SCAF4: variants seen among roughly 807,000 people sequenced by gnomAD.
SCAF4 encodes the protein SR-related CTD associated factor 4.
A neutral mutation model predicts 129.8 loss-of-function variants in SCAF4; 25 were observed. The ratio of observed to expected loss-of-function variants is 0.19; its 90% CI spans 0.14 to 0.27. The LOEUF (loss-of-function observed/expected upper bound fraction) is 0.27. Ranked by LOEUF, SCAF4 falls within the 10% of genes least tolerant of loss-of-function variation. The probability of loss-of-function intolerance (pLI) is 1.00; values close to 1 mark genes in which losing one functional copy is unlikely to be tolerated. For synonymous variants in SCAF4, 551 were observed against 497.7 expected (o/e 1.11, Z -1.43); for missense variants, 1,246 against 1,457.1 (o/e 0.86, Z 2.36).
intron 1 of SCAF4, among the ~76,000 whole-genome samples, chr21:31,714,817 A>G (rs988760423): frequency 6.6e-6 from 1 of 152,354 alleles, no homozygotes; most frequent in South Asian, 2.1e-4. Flanking sequence ...TAATGTATGT[A>G]AATCTCTTAG....
intron 7 of SCAF4, among the ~76,000 whole-genome samples, chr21:31,697,274 C>T (rs2050411175): frequency 6.6e-6 from 1 of 152,078 alleles, no homozygotes; most frequent in African/African-American, 2.4e-5. Context: ...AAGAGGTTCG[C>T]TTGCTTCTTT....
At chr21:31,677,276 T>C (rs2049882324) in intron 19 of SCAF4, among the ~76,000 whole-genome samples, 1 of 152,102 alleles carries the variant, frequency 6.6e-6, no homozygotes, top group African/African-American at 2.4e-5. Flanking sequence ...ACCGAGCACA[T>C]AGCCCTTCTT....
intron 1 of SCAF4, among the ~76,000 whole-genome samples, chr21:31,724,947 G>A (rs570866491): frequency 2.0e-5 from 3 of 152,222 alleles, no homozygotes; most frequent in African/African-American, 4.8e-5. Context: ...GATAAACCCC[G>A]CTACAGAAAG....
intron 1 of SCAF4, among the ~76,000 whole-genome samples, chr21:31,723,629 T>TGTGTGTGTGCGCGC (rs1271033175): frequency 1.3e-5 from 2 of 149,000 alleles, no homozygotes; most frequent in African/African-American, 4.9e-5. Context: ...TGTGTGTGTG[T>TGTGTGTGTGCGCGC]GCGCGCGCGC....
chr21:31,701,835 G>A lies in SCAF4; in HGVS notation c.541C>T (p.Pro181Ser), dbSNP rs1404547528. The change falls in exon 6 of 20, where the codon CCC becomes TCC. Residue 181 changes from proline (P) to serine (S), a missense_variant. By Grantham distance (74) the Pro-to-Ser change is moderately conservative. Around this residue, in one of 6 missense-constraint regions of SCAF4, gnomAD observed 143 missense variants for 161.0 expected, o/e 0.89. Coordinates refer to ENST00000286835, the MANE Select transcript of SCAF4 (RefSeq NM_020706.2). ...PNSVPAVPQL[P>S]SSDAFAAVAQ... Reference sequence around the variant, plus strand: ...ACAGCAGCAAAAGCATCAGAGCTGGGCAACTGTGGTACAGCTGGGACGGAG... The same window carrying A: ...ACAGCAGCAAAAGCATCAGAGCTGGACAACTGTGGTACAGCTGGGACGGAG... 6.2e-7 allele frequency: 1 copy of A among 1,614,084 alleles called. No individual in the cohort carries two copies. Among genetic ancestry groups the A allele is most frequent in the African/African-American group, 1.3e-5 (1 of 75,022 alleles).
chr21:31,723,526 GA>G (rs556054324), intron 1 of SCAF4, among the ~76,000 whole-genome samples: 54 of 152,128 alleles, frequency 3.5e-4, no homozygotes, highest in African/African-American at 1.2e-3. Context: ...TCATTATTGT[GA>G]CATATCAGTA....
Position 31,701,130 on chromosome 21 carries a change from T to C in SCAF4, c.642A>G (p.Pro214=). The part of the protein sequence containing the change: ...ILQTFQQPPK[P]QSPALDNAVM... ...CAGCATTGTCAAGGGCAGGAGACTGTGGTTTTGGAGGCTGTTGAAAAGTCT... is the reference window on the plus strand; with the variant it reads ...CAGCATTGTCAAGGGCAGGAGACTGCGGTTTTGGAGGCTGTTGAAAAGTCT... The change falls in exon 7 of 20, where the codon CCA becomes CCG. Residue 214 remains proline (P), a synonymous_variant. Coordinates refer to ENST00000286835, the MANE Select transcript of SCAF4 (RefSeq NM_020706.2). The C allele has an allele frequency of 6.2e-7, 1 of 1,607,710 alleles. No individual in the cohort carries two copies. Among genetic ancestry groups the C allele is most frequent in the Non-Finnish European group, 8.5e-7 (1 of 1,176,710 alleles).
intron 1 of SCAF4, among the ~76,000 whole-genome samples, chr21:31,721,959 A>G (rs1255875580): frequency 1.3e-5 from 2 of 152,044 alleles, no homozygotes; most frequent in East Asian, 3.9e-4. Context: ...ACCTCAGATG[A>G]TCCACCCACT....
chr21:31,699,230 T>C (rs2050459993), intron 7 of SCAF4, among the ~76,000 whole-genome samples: 2 of 152,186 alleles, frequency 1.3e-5, no homozygotes, highest in Admixed American at 1.3e-4. Context: ...AAAAACATAA[T>C]GGTTTAACTA....
chr21:31,700,542 C>A (rs1309975105), intron 7 of SCAF4, among the ~76,000 whole-genome samples: 1 of 152,010 alleles, frequency 6.6e-6, no homozygotes, highest in Non-Finnish European at 1.5e-5. Flanking sequence ...TCTAAATCCA[C>A]TATTAACCTT....
At chr21:31,681,286 C>T (rs1029785433) in intron 19 of SCAF4, among the ~76,000 whole-genome samples, 6 of 152,176 alleles carry the variant, frequency 3.9e-5, no homozygotes, top group Admixed American at 2.6e-4. Flanking sequence ...GGAATGAGTT[C>T]GACCTAGAAC....
intron 19 of SCAF4, among the ~76,000 whole-genome samples, chr21:31,683,609 T>C (rs940693629): frequency 4.6e-5 from 7 of 152,058 alleles, no homozygotes; most frequent in African/African-American, 1.5e-4. Flanking sequence ...CTAACATCCA[T>C]GGACCTTAGA....
At chr21:31,723,892 TC>T (rs1391005353) in intron 1 of SCAF4, among the ~76,000 whole-genome samples, 2 of 152,118 alleles carry the variant, frequency 1.3e-5, no homozygotes, top group African/African-American at 2.4e-5. Flanking sequence ...TGGATGGCCA[TC>T]CACCTTTCAC....
At chr21:31,709,531 C>A (rs2050750057) in intron 1 of SCAF4, among the ~76,000 whole-genome samples, 1 of 152,012 alleles carries the variant, frequency 6.6e-6, no homozygotes, top group African/African-American at 2.4e-5. Flanking sequence ...AATTAACAGC[C>A]AAATGAACAT....
chr21:31,703,737 C>G (rs374844013), intron 4 of SCAF4, 28 bp downstream of exon 4: 130 of 1,201,826 alleles, frequency 1.1e-4, no homozygotes, highest in Non-Finnish European at 1.3e-4. Flanking sequence ...TTAAAGAATA[C>G]AAGTTTTAGT....
At chr21:31,686,624 C>A (rs572684001) in intron 16 of SCAF4, among the ~76,000 whole-genome samples, 2 of 151,944 alleles carry the variant, frequency 1.3e-5, no homozygotes, top group South Asian at 2.1e-4. Context: ...ATTTTAACAA[C>A]CCCCCCAGCC....
intron 1 of SCAF4, among the ~76,000 whole-genome samples, chr21:31,708,106 G>A (rs2050711352): frequency 6.6e-6 from 1 of 152,138 alleles, no homozygotes. Flanking sequence ...GAAACAGTAA[G>A]GCCAGGCGCG....
At position 31,701,073 on chromosome 21, in the gene SCAF4, C is replaced by A; in HGVS notation, c.699G>T (p.Gln233His). 6.2e-7 allele frequency: 1 copy of A among 1,614,056 alleles called. No individual in the cohort carries two copies. Among genetic ancestry groups the A allele is most frequent in the Non-Finnish European group, 8.5e-7 (1 of 1,180,000 alleles). ...ATGGTTGTGTAGGAGTTGTCTTTAA[C>A]TGAGCTGTGATAGCCTGAACCTGAG... ...VMAQVQAITA[Q>H]LKTTPTQPSE... The change falls in exon 7 of 20, where the codon CAG becomes CAT. Residue 233 changes from glutamine (Q) to histidine (H), a missense_variant. Gln to His is a conservative substitution (Grantham distance 24, BLOSUM62 0). Coordinates refer to ENST00000286835, the MANE Select transcript of SCAF4 (RefSeq NM_020706.2).
At chr21:31,702,641 T>G (rs1427090652) in intron 4 of SCAF4, among the ~76,000 whole-genome samples, 2 of 152,214 alleles carry the variant, frequency 1.3e-5, no homozygotes, top group African/African-American at 4.8e-5. Flanking sequence ...CATTTTCATT[T>G]TATTTTACTT....
Sources: gnomAD v4.1 joint callset for allele counts (sites outside exome capture counted in the v4.1 genomes callset) on GRCh38, gnomAD v4.1.1 for gene constraint, gnomAD v4.1.1 regional missense constraint, MANE v1.5 for transcripts, NCBI Gene and HGNC (gene_info 2026-07-23, HGNC 2026-07-21) for gene names.